SHLD2: variants seen among roughly 807,000 people sequenced by gnomAD.
SHLD2 encodes the protein RINN1-REV7-interacting novel NHEJ regulator 2.
In SHLD2, 30 loss-of-function variants were observed where a neutral mutation model predicts 73.2. The observed-to-expected ratio is 0.41, with a 90% confidence interval of 0.31 to 0.56. SHLD2 has a LOEUF of 0.56. Ranked by LOEUF, SHLD2 falls within the 20% of genes least tolerant of loss-of-function variation. The pLI, the probability that SHLD2 is intolerant of heterozygous loss-of-function variation, is 0.28. For missense variants in SHLD2, 745 were observed against 1,055.9 expected, an observed-to-expected ratio of 0.71 and a Z score of 4.08; for synonymous variants, 285 against 370.1, an observed-to-expected ratio of 0.77 and a Z score of 2.64.
rs1311433253 is a variant in SHLD2, at chr10:87,151,861, G to A, written c.507G>A (p.Gln169=). ...AGAACTTTAACACAAATTTGTTTCAGTTGGGCCATAAATGTGCAGCTGTGT... is the reference window on the plus strand; with the variant it reads ...AGAACTTTAACACAAATTTGTTTCAATTGGGCCATAAATGTGCAGCTGTGT... The part of the protein sequence containing the change: ...CGKNFNTNLF[Q]LGHKCAAVLD... Residue 169 remains glutamine (Q), a synonymous_variant, in exon 3 of 10, where the codon CAG becomes CAA. Transcript: ENST00000298786. 2 of 1,611,528 alleles carry A rather than the reference G, an allele frequency of 1.2e-6. No homozygotes were observed. The highest frequency in any genetic ancestry group is 1.1e-5 in the South Asian group (1 of 90,982).
At chr10:87,127,533 C>CCG (rs1554829057) in intron 2 of SHLD2, among the ~76,000 whole-genome samples, 1 of 68,694 alleles carries the variant, frequency 1.5e-5, no homozygotes, top group Non-Finnish European at 2.9e-5. Context: ...TTACCCGCCC[C>CCG]CCCCCACCCC....
intron 2 of SHLD2, among the ~76,000 whole-genome samples, chr10:87,119,589 G>A (rs9420442): frequency 2.0e-5 from 3 of 151,982 alleles, no homozygotes; most frequent in Non-Finnish European, 4.4e-5. Flanking sequence ...GAGAAACCCC[G>A]TCTCTACTAA....
chr10:87,105,504 C>G (rs1430304427), intron 2 of SHLD2, among the ~76,000 whole-genome samples: 3 of 152,098 alleles, frequency 2.0e-5, no homozygotes, highest in African/African-American at 7.2e-5. Context: ...GATAGAGATT[C>G]CTTAGGATGC....
chr10:87,175,240 T>G (rs1847878613), intron 6 of SHLD2, among the ~76,000 whole-genome samples: 1 of 152,188 alleles, frequency 6.6e-6, no homozygotes. Flanking sequence ...ATATTAGACT[T>G]GGGTTCATTT....
intron 1 of SHLD2, among the ~76,000 whole-genome samples, chr10:87,096,253 C>A (rs534335157): frequency 6.6e-6 from 1 of 152,176 alleles, no homozygotes; most frequent in South Asian, 2.1e-4. Context: ...CTGTGCTGGC[C>A]AGGCTGGTCT....
intron 8 of SHLD2, among the ~76,000 whole-genome samples, chr10:87,182,603 T>G (rs908209132): frequency 4.6e-5 from 7 of 152,158 alleles, no homozygotes; most frequent in Non-Finnish European, 8.8e-5. Flanking sequence ...ATATTCAGAT[T>G]TACATTTTTG....
intron 2 of SHLD2, among the ~76,000 whole-genome samples, chr10:87,098,698 A>G (rs185537723): frequency 1.3e-5 from 2 of 152,362 alleles, no homozygotes; most frequent in Admixed American, 6.5e-5. Flanking sequence ...TTACTGTGAT[A>G]TAAAGTCTAA....
At chr10:87,140,119 T>C (rs563259795) in intron 2 of SHLD2, among the ~76,000 whole-genome samples, 2 of 152,132 alleles carry the variant, frequency 1.3e-5, no homozygotes, top group South Asian at 4.2e-4. Flanking sequence ...GCAATTACTT[T>C]AGGAAATAGT....
chr10:87,101,558 G>A (rs761967826), intron 2 of SHLD2, among the ~76,000 whole-genome samples: 1 of 152,146 alleles, frequency 6.6e-6, no homozygotes, highest in African/African-American at 2.4e-5. Context: ...ACCTCGCCTG[G>A]CTCAGAATGG....
intron 2 of SHLD2, among the ~76,000 whole-genome samples, chr10:87,140,257 TA>T (rs1845091512): frequency 6.6e-6 from 1 of 151,668 alleles, no homozygotes; most frequent in South Asian, 2.1e-4. Context: ...TCTTCTCTAC[TA>T]AAAATACAAA....
At chr10:87,143,620 C>T (rs1214996463) in intron 2 of SHLD2, among the ~76,000 whole-genome samples, 1 of 152,082 alleles carries the variant, frequency 6.6e-6, no homozygotes, top group East Asian at 1.9e-4. Flanking sequence ...CAATGTTTCC[C>T]TTTACCTGTT....
chr10:87,122,654 T>C (rs1039770189), intron 2 of SHLD2, among the ~76,000 whole-genome samples: 1 of 152,334 alleles, frequency 6.6e-6, no homozygotes, highest in South Asian at 2.1e-4. Context: ...AAGAGTGTTA[T>C]GAGAATTCCT....
chr10:87,182,857 G>T (rs996669224), intron 8 of SHLD2, among the ~76,000 whole-genome samples: 3 of 150,494 alleles, frequency 2.0e-5, no homozygotes, highest in Non-Finnish European at 4.4e-5. Flanking sequence ...GTGTCTCCAC[G>T]GGCTGCCTGA....
intron 9 of SHLD2, among the ~76,000 whole-genome samples, chr10:87,189,938 TCGGTCTGAA>T (rs1364164862): frequency 1.3e-5 from 2 of 152,214 alleles, no homozygotes; most frequent in African/African-American, 4.8e-5. Context: ...AGAACTGCTG[TCGGTCTGAA>T]CGGTGTGTTA....
At chr10:87,168,750 G>C (rs535832550) in intron 4 of SHLD2, among the ~76,000 whole-genome samples, 1 of 152,278 alleles carries the variant, frequency 6.6e-6, no homozygotes, top group African/African-American at 2.4e-5. Context: ...CATGGACATA[G>C]AGGTGGCAAC....
chr10:87,158,091 A>G lies in SHLD2; in HGVS notation c.1569A>G (p.Leu523=), dbSNP rs1265347008. The part of the protein sequence containing the change: ...HEDQWIGETV[L]QSTFSSQLLN... Reference sequence around the variant, plus strand: ...ACCAATGGATTGGCGAGACAGTACTACAATCAACATTTAGCAGTCAGTTAT... The same window carrying G: ...ACCAATGGATTGGCGAGACAGTACTGCAATCAACATTTAGCAGTCAGTTAT... The change falls in exon 4 of 10, where the codon CTA becomes CTG. Residue 523 remains leucine, a synonymous_variant. Transcript: ENST00000298786. 4 of 1,611,560 alleles carry G rather than the reference A, an allele frequency of 2.5e-6. No homozygotes were observed. The highest frequency in any genetic ancestry group is 2.3e-4 in the Middle Eastern group (1 of 4,426).
intron 2 of SHLD2, among the ~76,000 whole-genome samples, chr10:87,127,867 G>C (rs532747816): frequency 6.6e-6 from 1 of 151,934 alleles, no homozygotes; most frequent in African/African-American, 2.4e-5. Flanking sequence ...GATTTCTGCC[G>C]TCAGTGTCAT....
intron 2 of SHLD2, among the ~76,000 whole-genome samples, chr10:87,142,761 CT>C (rs1184154361): frequency 1.4e-5 from 2 of 142,304 alleles, no homozygotes; most frequent in East Asian, 2.0e-4. Context: ...AAAGTTCTTT[CT>C]TTTTTTTTTT....
intron 6 of SHLD2, among the ~76,000 whole-genome samples, chr10:87,174,832 TG>T (rs1847836628): frequency 6.6e-6 from 1 of 152,148 alleles, no homozygotes; most frequent in Non-Finnish European, 1.5e-5. Context: ...GTATTAGAAT[TG>T]TGGCCGGCGT....
Sources: gnomAD v4.1 joint callset for allele counts (sites outside exome capture counted in the v4.1 genomes callset) on GRCh38, gnomAD v4.1.1 for gene constraint, MANE v1.5 for transcripts, NCBI Gene and HGNC (gene_info 2026-07-23, HGNC 2026-07-21) for gene names.